HMGB1: variants seen among roughly 807,000 people sequenced by gnomAD.
HMGB1 encodes high mobility group box 1.
For synonymous variants in HMGB1, 81 were observed against 84.0 expected (o/e 0.96, Z 0.19); for missense variants, 79 against 253.5 (o/e 0.31, Z 4.67).
intron 1 of HMGB1, among the ~76,000 whole-genome samples, chr13:30,539,087 C>A (rs999054883): frequency 6.6e-6 from 1 of 151,976 alleles, no homozygotes; most frequent in African/African-American, 2.4e-5. Flanking sequence ...AGTAGAGATG[C>A]GGTTTCACCA....
intron 1 of HMGB1, among the ~76,000 whole-genome samples, chr13:30,604,474 G>A (rs1038015090): frequency 1.2e-4 from 18 of 152,148 alleles, no homozygotes; most frequent in Admixed American, 1.1e-3. Flanking sequence ...GCATCTAGCA[G>A]GTAGAAGCTA....
intron 1 of HMGB1, among the ~76,000 whole-genome samples, chr13:30,472,539 T>TCATC (rs1886970340): frequency 6.6e-6 from 1 of 152,188 alleles, no homozygotes. Context: ...AGACAGAGGT[T>TCATC]GCAGTGAGCT....
intron 1 of HMGB1, among the ~76,000 whole-genome samples, chr13:30,580,764 T>C (rs1126358): frequency 1 from 151,754 of 152,354 alleles, 75,583 homozygotes; most frequent in East Asian, 1. Context: ...ACTAGAATGA[T>C]ACATAAAGAG....
At position 30,578,368 on chromosome 13, in the gene HMGB1, C is replaced by CTTTTTTTTTT. The variant is rs60947686; in HGVS notation, c.-15+38293_-15+38302dup. ...TCAAGATCAGAGACCAGTTCTTGTT[C>CTTTTTTTTTT]TTTTTTTTTTTTTTTTTTTTTTTTT... On this transcript the variant is annotated intron_variant, in intron 1 of 4. Transcript: ENST00000405805. Among the ~76,000 whole-genome samples the CTTTTTTTTTT allele has an allele frequency of 1.0e-3, 60 of 59,326 alleles. 3 individuals carry two copies. Among genetic ancestry groups the CTTTTTTTTTT allele is most frequent in the East Asian group, 1.9e-3 (3 of 1,578 alleles). The allele number at this position is 59,326 out of a possible 152,430, so 38.9% of individuals were successfully genotyped here. A position where few individuals can be genotyped will look rare whatever the true frequency, so the allele number is the denominator to read the frequency against.
At chr13:30,589,094 C>A (rs944582717) in intron 1 of HMGB1, among the ~76,000 whole-genome samples, 1 of 150,670 alleles carries the variant, frequency 6.6e-6, no homozygotes, top group Non-Finnish European at 1.5e-5. Context: ...CAACCTCTGT[C>A]TCCCAGGTTT....
At chr13:30,553,482 T>C (rs1869524137) in intron 1 of HMGB1, among the ~76,000 whole-genome samples, 1 of 152,212 alleles carries the variant, frequency 6.6e-6, no homozygotes, top group African/African-American at 2.4e-5. Context: ...AAGATAATAC[T>C]TTATAGGAGT....
rs1886228752 is a variant in HMGB1 at position 30,460,197 on chromosome 13, CTACTTGGATT to C, written c.*1150_*1159del. The C allele has an allele frequency of 6.6e-6, 1 of 152,352 alleles. No homozygotes were observed. The highest frequency in any genetic ancestry group is 6.6e-5 in the Admixed American group (1 of 15,256). The allele number at this position is 152,352 out of a possible 1,614,324, so 9.4% of individuals were successfully genotyped here. On this transcript the variant is annotated 3_prime_UTR_variant, in exon 5 of 5. Coordinates refer to ENST00000341423, the MANE Select transcript of HMGB1 (RefSeq NM_002128.7). Reference sequence around the variant, plus strand: ...CAAAGTTTGTCTTCTTTCTTCCTATCTACTTGGATTTATAAAGGGGCAAACCGTAATATAG... The same window carrying C: ...CAAAGTTTGTCTTCTTTCTTCCTATCTATAAAGGGGCAAACCGTAATATAG...
exon 1 of HMGB1, chr13:30,617,567 C>G (rs1034689478): frequency 4.6e-5 from 7 of 152,304 alleles, no homozygotes; most frequent in African/African-American, 7.2e-5. Context: ...GCAAGCAGGT[C>G]TCTTTCGTCA....
At chr13:30,605,873 AT>A (rs1950453282) in intron 1 of HMGB1, among the ~76,000 whole-genome samples, 1 of 152,180 alleles carries the variant, frequency 6.6e-6, no homozygotes, top group Non-Finnish European at 1.5e-5. Flanking sequence ...TGTACTGTGT[AT>A]TGTTTGAGGA....
At chr13:30,487,746 G>A (rs1233183131) in intron 1 of HMGB1, among the ~76,000 whole-genome samples, 1 of 152,138 alleles carries the variant, frequency 6.6e-6, no homozygotes, top group African/African-American at 2.4e-5. Flanking sequence ...AATAGTGAAG[G>A]AAAACAGTAT....
chr13:30,465,922 CCGCT>C lies in HMGB1; in HGVS notation c.-145_-142del. 2 of 986,096 alleles carry C rather than the reference CCGCT, an allele frequency of 2.0e-6. No homozygotes were observed. Among genetic ancestry groups the C allele is most frequent in the Non-Finnish European group, 2.4e-6 (2 of 830,110 alleles). The allele number at this position is 986,096 out of a possible 1,614,324, so 61.1% of individuals were successfully genotyped here. On this transcript the variant is annotated 5_prime_UTR_variant, in exon 1 of 5. It introduces an in-frame stop codon into an upstream open reading frame of the 5' UTR. Transcript: ENST00000341423. ...GCCAGACGCAGCCTCCTCACTCTCT[CCGCT>C]CTGTAACATTACTCTCCAGCCAGCG...
intron 1 of HMGB1, among the ~76,000 whole-genome samples, chr13:30,483,617 CTT>C (rs61395953): frequency 8.1e-5 from 11 of 135,832 alleles, no homozygotes; most frequent in East Asian, 2.2e-4. Flanking sequence ...GTGCAAATTT[CTT>C]TTTTTTTTTT....
At chr13:30,605,978 TA>T (rs1165156019) in intron 1 of HMGB1, among the ~76,000 whole-genome samples, 6 of 152,250 alleles carry the variant, frequency 3.9e-5, no homozygotes, top group South Asian at 4.1e-4. Flanking sequence ...CTAGGAAAAT[TA>T]AAAATATATT....
At chr13:30,462,079 TATTA>T (rs2137395002) in intron 4 of HMGB1, among the ~76,000 whole-genome samples, 1 of 152,358 alleles carries the variant, frequency 6.6e-6, no homozygotes, top group South Asian at 2.1e-4. Context: ...TCCTTAATCT[TATTA>T]ATTTACTGGA....
intron 1 of HMGB1, among the ~76,000 whole-genome samples, chr13:30,571,373 C>A (rs1048435337): frequency 4.6e-5 from 7 of 151,690 alleles, no homozygotes; most frequent in Non-Finnish European, 1.0e-4. Context: ...TGGCTCACTG[C>A]AACCTCCGCC....
chr13:30,545,933 C>A (rs1869136939), intron 1 of HMGB1, among the ~76,000 whole-genome samples: 1 of 152,140 alleles, frequency 6.6e-6, no homozygotes, highest in Non-Finnish European at 1.5e-5. Context: ...AACTCCTGGG[C>A]TCAAGCGAAC....
In HMGB1 at chr13:30,529,273, T is replaced by G. The variant is rs1888445200; in HGVS notation, c.-14-65579A>C. Among the ~76,000 whole-genome samples the G allele has an allele frequency of 2.0e-5, 3 of 152,144 alleles. No homozygotes were observed. In the South Asian group the frequency reaches 6.2e-4, roughly 32 times the overall value. ...AGGGACATTACCTGCTCAGAGAGGT[T>G]TCACATCTGCCAAGGCCACTCATTC... On this transcript the variant is annotated intron_variant, in intron 1 of 4. Coordinates refer to the HMGB1 transcript ENST00000405805.
At chr13:30,462,497 G>A (rs770980857) in intron 4 of HMGB1, 41 bp downstream of exon 4, 36 of 1,481,600 alleles carry the variant, frequency 2.4e-5, no homozygotes, top group Middle Eastern at 1.7e-4. Context: ...TACATCTGGC[G>A]TACTTGTCAT....
intron 1 of HMGB1, among the ~76,000 whole-genome samples, chr13:30,509,081 C>A (rs117498881): frequency 6.6e-6 from 1 of 151,922 alleles, no homozygotes; most frequent in Non-Finnish European, 1.5e-5. Context: ...ACCACAGGTG[C>A]GCCACCATGC....
Sources: gnomAD v4.1 joint callset for allele counts (sites outside exome capture counted in the v4.1 genomes callset) on GRCh38, gnomAD v4.1.1 for gene constraint, MANE v1.5 for transcripts, NCBI Gene and HGNC (gene_info 2026-07-23, HGNC 2026-07-21) for gene names.